Variants in CPEB1 observed in about 807,000 individuals in gnomAD.
CPEB1 encodes the protein cytoplasmic polyadenylation element binding protein 1.
CPEB1 carries 7 observed loss-of-function variants against 65.8 expected under a neutral mutation model. That is an observed-to-expected ratio of 0.11 (90% CI 0.06 to 0.20). The LOEUF is 0.20. CPEB1 is among the 10% of genes least tolerant of loss of function. CPEB1 has a pLI of 1.00. For synonymous variants in CPEB1, 262 were observed against 260.0 expected, an observed-to-expected ratio of 1.01 and a Z score of -0.08; for missense variants, 551 against 712.2, an observed-to-expected ratio of 0.77 and a Z score of 2.58.
intron 3 of CPEB1, among the ~76,000 whole-genome samples, chr15:82,615,552 A>G (rs2044630465): frequency 6.6e-6 from 1 of 152,230 alleles, no homozygotes; most frequent in Non-Finnish European, 1.5e-5. Context: ...ACCCTGGGAC[A>G]CAATTCTAGA....
chr15:82,547,287 TAC>T (rs1289556748), intron 10 of CPEB1, 50 bp from the exon 11 acceptor site: 19 of 658,266 alleles, frequency 2.9e-5, no homozygotes, highest in Middle Eastern at 4.4e-4. Context: ...TCCCAAATGC[TAC>T]TTTTTTTTTT....
At chr15:82,647,538 G>T, upstream of CPEB1, 1 of 285,372 alleles carries the variant, frequency 3.5e-6, no homozygotes, top group Non-Finnish European at 6.5e-6. Flanking sequence ...TTTATGTCCG[G>T]TCAGCTCCCG....
intron 1 of CPEB1, among the ~76,000 whole-genome samples, chr15:82,634,629 C>T (rs1326983780): frequency 6.6e-6 from 1 of 152,170 alleles, no homozygotes; most frequent in Admixed American, 6.5e-5. Context: ...AGAGAGAGTT[C>T]TAAAACTGGG....
At chr15:82,595,106 G>A (rs2042573032) in intron 3 of CPEB1, among the ~76,000 whole-genome samples, 1 of 152,200 alleles carries the variant, frequency 6.6e-6, no homozygotes, top group African/African-American at 2.4e-5. Context: ...TTCAACACAG[G>A]ATTACCACAA....
intron 6 of CPEB1, among the ~76,000 whole-genome samples, chr15:82,555,114 A>G (rs994990714): frequency 3.3e-5 from 5 of 152,380 alleles, no homozygotes; most frequent in African/African-American, 4.8e-5. Context: ...TGGTTAATGA[A>G]TATCTCCCTG....
intron 1 of CPEB1, among the ~76,000 whole-genome samples, chr15:82,632,225 G>A (rs1430602401): frequency 6.6e-6 from 1 of 151,778 alleles, no homozygotes; most frequent in Non-Finnish European, 1.5e-5. Context: ...CTCATGATCC[G>A]CCCACCTTGG....
intron 1 of CPEB1, among the ~76,000 whole-genome samples, chr15:82,634,644 C>T (rs1426148540): frequency 1.3e-5 from 2 of 152,174 alleles, no homozygotes; most frequent in East Asian, 3.8e-4. Flanking sequence ...ACTGGGGTCC[C>T]ATGGATTGGA....
intron 3 of CPEB1, among the ~76,000 whole-genome samples, chr15:82,616,928 A>C (rs750281169): frequency 1.3e-5 from 2 of 152,210 alleles, no homozygotes; most frequent in Non-Finnish European, 2.9e-5. Context: ...ATGTATACAT[A>C]CCCACGAAAC....
At position 82,573,187 on chromosome 15, in the gene CPEB1, T is replaced by G. The variant is rs778681244; in HGVS notation, c.272-1655A>C. ...CAGTACACCCTGTGTCCACAGGCAC[T>G]CAGGCATAGCCTAGAAGGGAAAATT... is the stretch of plus-strand genomic sequence containing the variant. On this transcript the variant is annotated intron_variant, in intron 3 of 12. Coordinates refer to ENST00000684509, the MANE Select transcript of CPEB1 (RefSeq NM_001365242.1). 11 of 1,529,610 alleles carry G rather than the reference T, an allele frequency of 7.2e-6. No homozygotes were observed. In the South Asian group the frequency reaches 1.3e-4, roughly 18 times the overall value. The allele number at this position is 1,529,610 out of a possible 1,614,324, so 94.8% of individuals were successfully genotyped here. A position where few individuals can be genotyped will look rare whatever the true frequency, so the allele number is the denominator to read the frequency against.
At chr15:82,619,210 C>T (rs2045059547) in intron 3 of CPEB1, among the ~76,000 whole-genome samples, 2 of 152,186 alleles carry the variant, frequency 1.3e-5, no homozygotes, top group South Asian at 4.1e-4. Flanking sequence ...AAAGAATTTT[C>T]TTTCACCAAA....
chr15:82,638,610 T>C (rs1423732130), intron 1 of CPEB1: 2 of 152,140 alleles, frequency 1.3e-5, no homozygotes, highest in South Asian at 4.1e-4. Flanking sequence ...CAAAGTTGAA[T>C]AACCATAGTT....
chr15:82,622,274 G>C (rs1190768166), intron 3 of CPEB1, among the ~76,000 whole-genome samples: 1 of 152,070 alleles, frequency 6.6e-6, no homozygotes, highest in Admixed American at 6.5e-5. Flanking sequence ...CACCCATCAT[G>C]CAACAAGGGC....
At chr15:82,605,620 A>G (rs1284347687) in intron 3 of CPEB1, among the ~76,000 whole-genome samples, 4 of 152,232 alleles carry the variant, frequency 2.6e-5, no homozygotes, top group Admixed American at 6.5e-5. Flanking sequence ...GCGTATACAT[A>G]TATCAGAACA....
chr15:82,578,881 T>C (rs901450209), intron 3 of CPEB1, among the ~76,000 whole-genome samples: 11 of 152,224 alleles, frequency 7.2e-5, no homozygotes, highest in African/African-American at 2.7e-4. Context: ...CTGACTGCAA[T>C]GGCAAAATCT....
chr15:82,578,077 T>C (rs2040863300), intron 3 of CPEB1, among the ~76,000 whole-genome samples: 1 of 151,976 alleles, frequency 6.6e-6, no homozygotes, highest in African/African-American at 2.4e-5. Context: ...GAGGCGGAGT[T>C]TGCAGTGAGC....
chr15:82,624,927 T>A (rs996380717), intron 3 of CPEB1, among the ~76,000 whole-genome samples: 2 of 152,008 alleles, frequency 1.3e-5, no homozygotes, highest in Non-Finnish European at 2.9e-5. Flanking sequence ...AGTCTCGACC[T>A]CCCAGGCTCA....
chr15:82,602,567 C>T (rs560060259), intron 3 of CPEB1, among the ~76,000 whole-genome samples: 1 of 152,140 alleles, frequency 6.6e-6, no homozygotes, highest in South Asian at 2.1e-4. Context: ...TAAAATCGGC[C>T]GGGCGCGGTG....
chr15:82,628,425 G>A lies in CPEB1; in HGVS notation c.35C>T (p.Ser12Phe). ...GTGCTCCAAACCAGTGCCAGACATG[G>A]AAGACGATGTTGAAGTAGCAATGCC... is the stretch of plus-strand genomic sequence containing the variant. ...FSGIATSTSS[S>F]MSGTGLEHSS... Residue 12 changes from serine (S) to phenylalanine (F), a missense_variant, in exon 2 of 13, where the codon TCC (serine) becomes TTC (phenylalanine). By Grantham distance (155) the Ser-to-Phe change is radical. Around this residue, in one of 6 missense-constraint regions of CPEB1, gnomAD observed 223 missense variants for 228.6 expected, o/e 0.98. Transcript: ENST00000684509. 1.4e-6 allele frequency: 1 copy of A among 702,942 alleles called. No individual in the cohort carries two copies. The highest frequency in any genetic ancestry group is 2.7e-5 in the East Asian group (1 of 37,278). 43.5% of individuals were successfully genotyped at this position (702,942 alleles called of 1,614,324 possible).
At chr15:82,619,056 C>T (rs1222702129) in intron 3 of CPEB1, among the ~76,000 whole-genome samples, 1 of 152,130 alleles carries the variant, frequency 6.6e-6, no homozygotes, top group Non-Finnish European at 1.5e-5. Context: ...TACCAACTAT[C>T]AAAGCCTATT....
Sources: allele counts gnomAD v4.1 joint callset (sites outside exome capture counted in the v4.1 genomes callset), GRCh38; gene constraint gnomAD v4.1.1; regional missense constraint gnomAD v4.1.1; transcripts MANE v1.5; gene names NCBI Gene and HGNC (gene_info 2026-07-23, HGNC 2026-07-21).